Variants in SFI1 observed in about 807,000 individuals in gnomAD.
The protein encoded by SFI1 is protein SFI1 homolog.
A neutral mutation model predicts 207.5 loss-of-function variants in SFI1; 195 were observed. The ratio of observed to expected loss-of-function variants is 0.94; its 90% CI spans 0.84 to 1.06. The LOEUF is 1.06. Ranked by LOEUF, SFI1 falls within the 50% of genes least tolerant of loss-of-function variation. SFI1 has a pLI of 0.00. For synonymous variants in SFI1, 630 were observed against 598.9 expected (o/e 1.05, Z -0.76); for missense variants, 1,634 against 1,588.0 (o/e 1.03, Z -0.49).
chr22:31,568,151 C>A (rs144124798), intron 8 of SFI1, among the ~76,000 whole-genome samples: 8 of 119,086 alleles, frequency 6.7e-5, no homozygotes, highest in East Asian at 2.5e-4. Flanking sequence ...GACTCTCTCT[C>A]TCTCTATATA....
intron 6 of SFI1, among the ~76,000 whole-genome samples, chr22:31,553,972 A>T (rs2060909795): frequency 1.4e-5 from 2 of 144,966 alleles, no homozygotes; most frequent in Admixed American, 1.5e-4. Context: ...AGTAGCTGGG[A>T]CTACAGACAA....
chr22:31,613,426 G>A lies in SFI1; in HGVS notation c.2638G>A (p.Ala880Thr), dbSNP rs1356422533. Residue 880 changes from alanine to threonine, a missense_variant, in exon 26 of 33, where the codon GCC (alanine) becomes ACC (threonine). Ala to Thr is a moderately conservative substitution (Grantham distance 58). Coordinates refer to ENST00000400288, the MANE Select transcript of SFI1 (RefSeq NM_001007467.3). Reference sequence around the variant, plus strand: ...GGCGCGGCTGCAGTGGGCGCTCCAGGCCTACCAGGGGCAGCTCCTCCAGGA... The same window carrying A: ...GGCGCGGCTGCAGTGGGCGCTCCAGACCTACCAGGGGCAGCTCCTCCAGGA... Reference protein sequence around the residue: ...KKARLQWALQAYQGQLLQEGA... With the variant: ...KKARLQWALQTYQGQLLQEGA... 6.2e-7 allele frequency: 1 copy of A among 1,609,846 alleles called. No individual in the cohort carries two copies. Among genetic ancestry groups the A allele is most frequent in the Non-Finnish European group, 8.5e-7 (1 of 1,179,788 alleles).
At chr22:31,615,565 C>A in intron 29 of SFI1, 1 of 350,666 alleles carries the variant, frequency 2.9e-6, no homozygotes, top group Admixed American at 4.6e-5. Context: ...ACGTAGGGTC[C>A]TGCAGGCCAC....
At position 31,611,853 on chromosome 22, in the gene SFI1, G is replaced by A. The variant is rs1386866244; in HGVS notation, c.2490+13G>A. On this transcript the variant is annotated intron_variant, in intron 24 of 32. Coordinates refer to ENST00000400288, the MANE Select transcript of SFI1 (RefSeq NM_001007467.3). ...GTGGAGACAACAGGTGGGAACCCAG[G>A]AGATGTCCCCTCTGCACTTCCTTCT... The A allele has an allele frequency of 3.1e-6, 5 of 1,613,662 alleles. No homozygotes were observed. The highest frequency in any genetic ancestry group is 4.2e-6 in the Non-Finnish European group (5 of 1,179,834).
chr22:31,554,378 G>A (rs567279915), intron 6 of SFI1, among the ~76,000 whole-genome samples: 13 of 151,474 alleles, frequency 8.6e-5, no homozygotes, highest in African/African-American at 3.2e-4. Context: ...GCACGATCTC[G>A]GCTCACCGCA....
intron 6 of SFI1, among the ~76,000 whole-genome samples, chr22:31,553,288 A>G (rs1295215148): frequency 1.3e-5 from 2 of 151,968 alleles, no homozygotes; most frequent in Non-Finnish European, 2.9e-5. Context: ...GTATCTGTTC[A>G]TGATCTTTTG....
chr22:31,528,112 C>CA (rs1403849616), intron 2 of SFI1, among the ~76,000 whole-genome samples: 2 of 151,262 alleles, frequency 1.3e-5, no homozygotes, highest in Admixed American at 1.3e-4. Context: ...GACCTTATCT[C>CA]AAAAAAATAA....
intron 15 of SFI1, among the ~76,000 whole-genome samples, chr22:31,599,534 G>A (rs2067767516): frequency 1.3e-5 from 2 of 152,220 alleles, no homozygotes; most frequent in East Asian, 3.9e-4. Flanking sequence ...ACCATGTTGG[G>A]TTGGCCAGGA....
chr22:31,612,394 A>ATACATATAT (rs1367477107), intron 24 of SFI1: 68 of 107,338 alleles, frequency 6.3e-4, no homozygotes, highest in African/African-American at 2.5e-3. Context: ...AAAAAAAAAA[A>ATACATATAT]AAAAATATAT....
At chr22:31,567,999 T>C (rs894395971) in intron 8 of SFI1, among the ~76,000 whole-genome samples, 1 of 152,116 alleles carries the variant, frequency 6.6e-6, no homozygotes, top group Non-Finnish European at 1.5e-5. Context: ...AATTGTTACA[T>C]TGAAAGTATT....
chr22:31,532,318 C>T (rs559291006), intron 4 of SFI1, among the ~76,000 whole-genome samples: 3 of 152,152 alleles, frequency 2.0e-5, no homozygotes, highest in South Asian at 2.1e-4. Context: ...CAGTGCTGCC[C>T]ATTGCTGTGG....
intron 1 of SFI1, among the ~76,000 whole-genome samples, chr22:31,502,309 A>G (rs752869732): frequency 6.6e-6 from 1 of 151,928 alleles, no homozygotes; most frequent in Non-Finnish European, 1.5e-5. Context: ...CCAAGAACCT[A>G]TCAATGACAT....
chr22:31,515,395 C>CTGGA (rs1251107631), intron 2 of SFI1, among the ~76,000 whole-genome samples: 5 of 150,972 alleles, frequency 3.3e-5, no homozygotes, highest in Admixed American at 1.3e-4. Context: ...TTTACCCAGG[C>CTGGA]TGGAGTACAG....
At chr22:31,533,577 A>G (rs1409139132) in intron 4 of SFI1, among the ~76,000 whole-genome samples, 1 of 74,276 alleles carries the variant, frequency 1.3e-5, no homozygotes, top group Non-Finnish European at 3.6e-5. Context: ...AGAAAAAGAA[A>G]CAAAAAAAAA....
intron 8 of SFI1, 119 bp downstream of exon 8, chr22:31,561,511 G>A (rs2061701010): frequency 1.3e-6 from 1 of 798,538 alleles, no homozygotes; most frequent in Admixed American, 2.9e-5. Flanking sequence ...TGGGGACAGA[G>A]GTAATCTGGA....
At chr22:31,536,776 C>T (rs2059029923) in intron 4 of SFI1, among the ~76,000 whole-genome samples, 1 of 152,172 alleles carries the variant, frequency 6.6e-6, no homozygotes, top group South Asian at 2.1e-4. Context: ...CTGGGAACCT[C>T]TTTTCAAATA....
At position 31,587,183 on chromosome 22, in the gene SFI1, A is replaced by G. The variant is rs992549107; in HGVS notation, c.1413+2049A>G. On this transcript the variant is annotated intron_variant, in intron 14 of 32. Transcript: ENST00000400288. ...TTTTCTTGTCATTAGCCCCTAAACAATATATAAACAATATAGCATAACAAC... is the reference window on the plus strand; with the variant it reads ...TTTTCTTGTCATTAGCCCCTAAACAGTATATAAACAATATAGCATAACAAC... 6 of 165,438 alleles carry G rather than the reference A, an allele frequency of 3.6e-5. No homozygotes were observed. The East Asian group carries it at 1.0e-3, about 28-fold the overall frequency. The allele number at this position is 165,438 out of a possible 1,614,324, so 10.2% of individuals were successfully genotyped here.
intron 8 of SFI1, among the ~76,000 whole-genome samples, chr22:31,565,971 A>G (rs370380509): frequency 8.7e-5 from 13 of 148,638 alleles, no homozygotes; most frequent in African/African-American, 3.0e-4. Flanking sequence ...GCCTGGCCCT[A>G]TCTATGTGGA....
intron 8 of SFI1, among the ~76,000 whole-genome samples, chr22:31,569,066 A>G (rs1014171851): frequency 3.9e-5 from 6 of 152,202 alleles, no homozygotes; most frequent in African/African-American, 1.2e-4. Flanking sequence ...CACCTTTCCT[A>G]TATAAACTGT....
Sources: gnomAD v4.1 joint callset for allele counts (sites outside exome capture counted in the v4.1 genomes callset) on GRCh38, gnomAD v4.1.1 for gene constraint, MANE v1.5 for transcripts, NCBI Gene and HGNC (gene_info 2026-07-23, HGNC 2026-07-21) for gene names.